The following HCN1 variants were observed in gnomAD, a reference collection of about 807,000 sequenced individuals.
HCN1 encodes potassium/sodium hyperpolarization-activated cyclic nucleotide-gated channel 1.
Under a neutral mutation model 78.9 loss-of-function variants are expected in HCN1, and 13 were observed. The ratio of observed to expected loss-of-function variants is 0.16; its 90% CI spans 0.11 to 0.26. HCN1 has a LOEUF of 0.26. Ranked by LOEUF, HCN1 falls within the 10% of genes least tolerant of loss-of-function variation. The probability of loss-of-function intolerance (pLI) is 1.00; values close to 1 mark genes in which losing one functional copy is unlikely to be tolerated. For synonymous variants in HCN1, 552 were observed against 455.5 expected, an observed-to-expected ratio of 1.21 and a Z score of -2.70; for missense variants, 810 against 1,154.3, an observed-to-expected ratio of 0.70 and a Z score of 4.32.
intron 5 of HCN1, among the ~76,000 whole-genome samples, chr5:45,337,193 C>A (rs754233025): frequency 6.6e-6 from 1 of 151,860 alleles, no homozygotes; most frequent in Non-Finnish European, 1.5e-5. Context: ...TGCATAAACA[C>A]GGAGAACTTT....
At chr5:45,277,804 TTCAA>T (rs1260824281) in intron 6 of HCN1, among the ~76,000 whole-genome samples, 1 of 152,132 alleles carries the variant, frequency 6.6e-6, no homozygotes, top group African/African-American at 2.4e-5. Flanking sequence ...ATGGGGATGC[TTCAA>T]TCAGACTGTG....
chr5:45,417,773 A>C (rs1305795794), intron 3 of HCN1, among the ~76,000 whole-genome samples: 1 of 150,092 alleles, frequency 6.7e-6, no homozygotes, highest in African/African-American at 2.4e-5. Flanking sequence ...AAAAAAAAAA[A>C]AAAACAAGGT....
chr5:45,498,510 C>T (rs1364912152), intron 2 of HCN1, among the ~76,000 whole-genome samples: 5 of 152,158 alleles, frequency 3.3e-5, no homozygotes, highest in African/African-American at 7.2e-5. Flanking sequence ...AAGTTTTCAA[C>T]TTCTTTGCCT....
rs1745676451 is a variant in HCN1 at position 45,303,928 on chromosome 5, T to A, written c.1378-89A>T. Reference sequence around the variant, plus strand: ...GCTGAAATTTAAAATATATACAGCATAACATTGTAATTTAAATTTAGATAC... The same window carrying A: ...GCTGAAATTTAAAATATATACAGCAAAACATTGTAATTTAAATTTAGATAC... On this transcript the variant is annotated intron_variant, in intron 5 of 7. Coordinates refer to ENST00000303230, the MANE Select transcript of HCN1 (RefSeq NM_021072.4). 8 of 1,116,834 alleles carry A rather than the reference T, an allele frequency of 7.2e-6. No homozygotes were observed. The East Asian group carries it at 1.2e-4, about 17-fold the overall frequency. 69.2% of individuals were successfully genotyped at this position (1,116,834 alleles called of 1,614,324 possible).
In HCN1 at chr5:45,371,902, TA is replaced by T. The variant is rs1338732786; in HGVS notation, c.1231-18657del. ...TATGAAATAAATATAATATACATTA[TA>T]TTATAAAAAATATATAATATACATT... On this transcript the variant is annotated intron_variant, in intron 4 of 7. Coordinates refer to ENST00000303230, the MANE Select transcript of HCN1 (RefSeq NM_021072.4). 2.5e-3 allele frequency among the ~76,000 whole-genome samples: 265 copies of T among 105,940 alleles called. 4 individuals are homozygous for T. Among genetic ancestry groups the T allele is most frequent in the African/African-American group, 9.5e-3 (247 of 25,994 alleles). 69.5% of individuals were successfully genotyped at this position (105,940 alleles called of 152,430 possible).
chr5:45,482,903 C>A (rs547815685), intron 2 of HCN1, among the ~76,000 whole-genome samples: 46 of 152,270 alleles, frequency 3.0e-4, no homozygotes, highest in African/African-American at 1.1e-3. Flanking sequence ...ATTATAGCCT[C>A]CAGCCCCAAC....
At chr5:45,645,639 A>G in intron 1 of HCN1, 31 bp from the exon 2 acceptor site, 1 of 1,476,942 alleles carries the variant, frequency 6.8e-7, no homozygotes, top group Non-Finnish European at 9.3e-7. Flanking sequence ...AGATTTTAAG[A>G]TATAGAAAAT....
chr5:45,454,779 A>G (rs1740990791), intron 3 of HCN1, among the ~76,000 whole-genome samples: 1 of 152,156 alleles, frequency 6.6e-6, no homozygotes, highest in South Asian at 2.1e-4. Flanking sequence ...AATATTTGAT[A>G]GAATGGCAAT....
chr5:45,630,732 A>G (rs1745256177), intron 2 of HCN1, among the ~76,000 whole-genome samples: 1 of 152,266 alleles, frequency 6.6e-6, no homozygotes, highest in South Asian at 2.1e-4. Context: ...TAGTCTTCTT[A>G]TAAGTCTTAT....
chr5:45,349,583 G>C (rs1217489571), intron 5 of HCN1, among the ~76,000 whole-genome samples: 1 of 152,078 alleles, frequency 6.6e-6, no homozygotes, highest in Admixed American at 6.5e-5. Context: ...AAGAATGCAG[G>C]AGCTGGTTTT....
At chr5:45,613,093 C>T (rs1475306503) in intron 2 of HCN1, among the ~76,000 whole-genome samples, 1 of 151,542 alleles carries the variant, frequency 6.6e-6, no homozygotes, top group Non-Finnish European at 1.5e-5. Context: ...CATGCTGGTG[C>T]ACTGCACCCA....
chr5:45,323,262 G>T (rs763613067), intron 5 of HCN1, among the ~76,000 whole-genome samples: 1 of 151,738 alleles, frequency 6.6e-6, no homozygotes, highest in East Asian at 1.9e-4. Flanking sequence ...ACTATCTCAC[G>T]AATGATGTTC....
At chr5:45,418,316 A>T (rs1233088700) in intron 3 of HCN1, among the ~76,000 whole-genome samples, 1 of 151,244 alleles carries the variant, frequency 6.6e-6, no homozygotes, top group Non-Finnish European at 1.5e-5. Flanking sequence ...TAAGGATAAG[A>T]TACGTTTTTC....
At position 45,549,006 on chromosome 5, in the gene HCN1, C is replaced by G. The variant is rs557316748; in HGVS notation, c.850-86999G>C. Among the ~76,000 whole-genome samples, 14 of 151,264 alleles carry G rather than the reference C, an allele frequency of 9.3e-5. No homozygotes were observed. In the East Asian group the frequency reaches 2.7e-3, roughly 29 times the overall value. ...TCAATGAAATAAAAGAGGATACAAA[C>G]AAATGGAAGAACATTCCATGCTCAT... is the stretch of plus-strand genomic sequence containing the variant. On this transcript the variant is annotated intron_variant, in intron 2 of 7. Transcript: ENST00000303230.
Position 45,299,698 on chromosome 5 carries a change from G to A in HCN1, c.1618+3901C>T, listed in dbSNP as rs532973655. Among the ~76,000 whole-genome samples the A allele has an allele frequency of 1.1e-4, 17 of 152,052 alleles. No individual in the cohort carries two copies. In the South Asian group the frequency reaches 3.5e-3, roughly 31 times the overall value. On this transcript the variant is annotated intron_variant, in intron 6 of 7. Coordinates refer to ENST00000303230, the MANE Select transcript of HCN1 (RefSeq NM_021072.4). ...ACAAAATACAGGGAATCAAACACAA[G>A]TGGCTTTATTTGTGAAGCCTAACAA...
chr5:45,687,808 CAG>C (rs1240062512), intron 1 of HCN1, among the ~76,000 whole-genome samples: 51 of 152,242 alleles, frequency 3.3e-4, no homozygotes, highest in Non-Finnish European at 1.5e-5. Flanking sequence ...GGAATTTTTG[CAG>C]AGTGATTAGG....
chr5:45,533,874 G>C (rs1742910053), intron 2 of HCN1, among the ~76,000 whole-genome samples: 1 of 152,164 alleles, frequency 6.6e-6, no homozygotes, highest in Admixed American at 6.5e-5. Context: ...CCTGACAATA[G>C]GGTCATTAGT....
At chr5:45,495,969 T>A (rs1467720221) in intron 2 of HCN1, among the ~76,000 whole-genome samples, 1 of 152,230 alleles carries the variant, frequency 6.6e-6, no homozygotes, top group Non-Finnish European at 1.5e-5. Flanking sequence ...TCATGGTGGA[T>A]AAGCTTTTTG....
intron 2 of HCN1, among the ~76,000 whole-genome samples, chr5:45,569,478 C>G (rs1743781316): frequency 6.6e-6 from 1 of 152,042 alleles, no homozygotes; most frequent in Non-Finnish European, 1.5e-5. Context: ...TTTGAAACCT[C>G]AAGACTTCTG....
Sources: allele counts gnomAD v4.1 joint callset (sites outside exome capture counted in the v4.1 genomes callset), GRCh38; gene constraint gnomAD v4.1.1; transcripts MANE v1.5; gene names NCBI Gene and HGNC (gene_info 2026-07-23, HGNC 2026-07-21).